CACNA1E: variants seen among roughly 807,000 people sequenced by gnomAD.
CACNA1E encodes voltage-dependent R-type calcium channel subunit alpha-1E.
Under a neutral mutation model 259.2 loss-of-function variants are expected in CACNA1E, and 40 were observed. The observed-to-expected ratio is 0.15, with a 90% CI of 0.12 to 0.20. CACNA1E has a LOEUF of 0.20. Among genes scored for constraint, CACNA1E ranks in the 10% least tolerant of loss-of-function variants. The pLI is 1.00. For synonymous variants in CACNA1E, 1,104 were observed against 1,138.5 expected (o/e 0.97, Z 0.61); for missense variants, 1,874 against 3,040.1 (o/e 0.62, Z 9.02).
At chr1:181,548,120 T>TTTTTTTTTC (rs5779108) in intron 3 of CACNA1E, among the ~76,000 whole-genome samples, 38,505 of 90,194 alleles carry the variant, frequency 0.43, 6,665 homozygotes, top group South Asian at 0.57. Flanking sequence ...CCCATAACAC[T>TTTTTTTTTC]TTTTTTTTCT....
chr1:181,471,224 A>G (rs1662486962), intron 2 of CACNA1E, among the ~76,000 whole-genome samples: 1 of 152,210 alleles, frequency 6.6e-6, no homozygotes, highest in Non-Finnish European at 1.5e-5. Flanking sequence ...TTACCTCTTA[A>G]TACTTCTGCA....
At chr1:181,466,056 T>C (rs1025200795) in intron 2 of CACNA1E, among the ~76,000 whole-genome samples, 1 of 152,230 alleles carries the variant, frequency 6.6e-6, no homozygotes, top group Non-Finnish European at 1.5e-5. Context: ...TTCTCAGGGT[T>C]TTGCTTTTTC....
At chr1:181,407,044 C>G (rs1004622763) in intron 1 of CACNA1E, among the ~76,000 whole-genome samples, 17 of 152,206 alleles carry the variant, frequency 1.1e-4, no homozygotes, top group African/African-American at 4.1e-4. Flanking sequence ...ACTCTTTCAA[C>G]TCCTCCGCAG....
chr1:181,447,565 T>C (rs1442325665), intron 2 of CACNA1E, among the ~76,000 whole-genome samples: 1 of 151,366 alleles, frequency 6.6e-6, no homozygotes, highest in Admixed American at 6.6e-5. Flanking sequence ...TAAATCTACG[T>C]ATAGATAGTA....
At chr1:181,687,901 C>T (rs1270950659) in intron 7 of CACNA1E, among the ~76,000 whole-genome samples, 7 of 152,120 alleles carry the variant, frequency 4.6e-5, no homozygotes, top group Admixed American at 2.0e-4. Flanking sequence ...CACCTTTATT[C>T]CTTCTGGCTC....
chr1:181,455,477 T>A (rs562164758), intron 2 of CACNA1E, among the ~76,000 whole-genome samples: 1 of 152,156 alleles, frequency 6.6e-6, no homozygotes, highest in Non-Finnish European at 1.5e-5. Context: ...GGAGAAAAGT[T>A]TGGATGCCTT....
At chr1:181,512,457 G>A (rs1230261335) in intron 3 of CACNA1E, among the ~76,000 whole-genome samples, 4 of 152,170 alleles carry the variant, frequency 2.6e-5, no homozygotes, top group African/African-American at 4.8e-5. Context: ...CAGGGAAGGC[G>A]AAATATTAGC....
intron 1 of CACNA1E, among the ~76,000 whole-genome samples, chr1:181,486,181 A>G (rs1426110605): frequency 6.6e-6 from 1 of 152,154 alleles, no homozygotes; most frequent in African/African-American, 2.4e-5. Flanking sequence ...GACCAAAGAG[A>G]GTCAAACGGG....
chr1:181,483,505 T>C (rs1241393367), upstream of CACNA1E: 4 of 337,408 alleles, frequency 1.2e-5, no homozygotes, highest in South Asian at 1.4e-4. Context: ...TTTTTTCTTT[T>C]TTTTTTTTTT....
intron 7 of CACNA1E, among the ~76,000 whole-genome samples, chr1:181,657,939 A>C (rs578198206): frequency 2.0e-5 from 3 of 152,224 alleles, no homozygotes; most frequent in Non-Finnish European, 2.9e-5. Flanking sequence ...CAGTACCTAC[A>C]ACTCCAATGT....
intron 3 of CACNA1E, among the ~76,000 whole-genome samples, chr1:181,542,186 G>A (rs145839303): frequency 6.6e-6 from 1 of 152,296 alleles, no homozygotes; most frequent in East Asian, 1.9e-4. Flanking sequence ...GACTCCAACT[G>A]TGGTTGGTTT....
intron 6 of CACNA1E, among the ~76,000 whole-genome samples, chr1:181,592,289 C>T (rs538528489): frequency 1.3e-5 from 2 of 152,248 alleles, no homozygotes; most frequent in Admixed American, 6.5e-5. Flanking sequence ...GCTAAGTATT[C>T]GGTAAATATC....
intron 36 of CACNA1E, 77 bp from the exon 37 acceptor site, chr1:181,771,989 A>G: frequency 7.2e-7 from 1 of 1,382,938 alleles, no homozygotes; most frequent in Non-Finnish European, 1.0e-6. Flanking sequence ...GAGGATGGGG[A>G]AATTGGGAAA....
intron 2 of CACNA1E, among the ~76,000 whole-genome samples, chr1:181,469,608 G>C (rs1261413414): frequency 6.6e-6 from 1 of 152,156 alleles, no homozygotes; most frequent in Non-Finnish European, 1.5e-5. Context: ...CTGGATATTA[G>C]CTTTATTTGA....
At chr1:181,784,536 T>C (rs578000828) in intron 40 of CACNA1E, 125 bp from the exon 41 acceptor site, 40 of 619,474 alleles carry the variant, frequency 6.5e-5, no homozygotes, top group Admixed American at 5.6e-4. Context: ...CCACTGTCAC[T>C]CAGTGCCAAG....
At chr1:181,343,601 T>A (rs1222645099) in intron 1 of CACNA1E, among the ~76,000 whole-genome samples, 2 of 152,196 alleles carry the variant, frequency 1.3e-5, no homozygotes, top group African/African-American at 2.4e-5. Flanking sequence ...TCTTTCCTTT[T>A]TAAATTACCC....
rs769667152 is a variant in CACNA1E, at chr1:181,483,843, G to C, written c.99G>C (p.Ser33=). Residue 33 remains serine, a synonymous_variant, in exon 1 of 48, where the codon TCG becomes TCC. Transcript: ENST00000367573. ...GGCAAGGAACCCCCGTGCCGGCCTC[G>C]GGGCAGGCGGCCGCCTACAAGCAGA... ...RNRQGTPVPA[S]GQAAAYKQTK... The C allele has an allele frequency of 5.6e-6, 9 of 1,613,650 alleles. No individual in the cohort carries two copies. Among genetic ancestry groups the C allele is most frequent in the Non-Finnish European group, 7.6e-6 (9 of 1,179,792 alleles).
intron 38 of CACNA1E, among the ~76,000 whole-genome samples, chr1:181,777,636 T>C (rs1660077171): frequency 1.3e-5 from 2 of 152,200 alleles, no homozygotes; most frequent in Non-Finnish European, 2.9e-5. Context: ...TCCATGGCCT[T>C]GGACAAGTCA....
At chr1:181,373,065 C>T (rs1654821995) in intron 1 of CACNA1E, among the ~76,000 whole-genome samples, 1 of 152,026 alleles carries the variant, frequency 6.6e-6, no homozygotes, top group Admixed American at 6.5e-5. Context: ...ATTTTTGTGC[C>T]TATGTTCATC....
Sources: allele counts gnomAD v4.1 joint callset (sites outside exome capture counted in the v4.1 genomes callset), GRCh38; gene constraint gnomAD v4.1.1; transcripts MANE v1.5; gene names NCBI Gene and HGNC (gene_info 2026-07-23, HGNC 2026-07-21).